LINGO2: variants seen among roughly 807,000 people sequenced by gnomAD.
LINGO2 encodes the protein leucine rich repeat and Ig domain containing 2, also known as leucine-rich repeat and immunoglobulin-like domain-containing nogo receptor-interacting protein 2.
Under a neutral mutation model 30.6 loss-of-function variants are expected in LINGO2, and 14 were observed. The observed-to-expected ratio is 0.46, with a 90% CI of 0.30 to 0.72. The LOEUF (loss-of-function observed/expected upper bound fraction) is 0.72. LINGO2 is among the 30% of genes least tolerant of loss of function. The pLI, the probability that LINGO2 is intolerant of heterozygous loss-of-function variation, is 0.07. For missense variants in LINGO2, 729 were observed against 751.7 expected (o/e 0.97, Z 0.35); for synonymous variants, 317 against 288.5 (o/e 1.10, Z -1.00).
At chr9:28,127,552 A>G (rs1009364047) in intron 4 of LINGO2, among the ~76,000 whole-genome samples, 4 of 152,246 alleles carry the variant, frequency 2.6e-5, no homozygotes, top group African/African-American at 9.6e-5. Flanking sequence ...AATGTCACAA[A>G]TATGGGATTG....
the LINGO2 span, among the ~76,000 whole-genome samples, chr9:28,724,723 G>A: frequency 6.6e-6 from 1 of 152,132 alleles, no homozygotes; most frequent in African/African-American, 2.4e-5. Flanking sequence ...GGAGGGAAAA[G>A]CCCACAAAGA....
intron 5 of LINGO2, among the ~76,000 whole-genome samples, chr9:27,964,468 T>C (rs898437237): frequency 6.6e-6 from 1 of 152,164 alleles, no homozygotes; most frequent in East Asian, 1.9e-4. Context: ...ATAAAGACAA[T>C]GTGAGATTCT....
intron 1 of LINGO2, among the ~76,000 whole-genome samples, chr9:28,580,192 A>C (rs1489097678): frequency 6.6e-6 from 1 of 152,106 alleles, no homozygotes; most frequent in Non-Finnish European, 1.5e-5. Flanking sequence ...GCTAGGTGGA[A>C]TATCATATAC....
At chr9:28,697,159 C>T in the LINGO2 span, among the ~76,000 whole-genome samples, 131 of 152,054 alleles carry the variant, frequency 8.6e-4, no homozygotes, top group Admixed American at 1.1e-3. Flanking sequence ...TCCATGGGAA[C>T]TCACAAGGCA....
At chr9:28,051,295 C>T (rs1355184553) in intron 4 of LINGO2, among the ~76,000 whole-genome samples, 1 of 152,040 alleles carries the variant, frequency 6.6e-6, no homozygotes, top group East Asian at 1.9e-4. Flanking sequence ...GTTCATAAAA[C>T]ATATGACAAA....
chr9:29,209,222 C>G, the LINGO2 span, among the ~76,000 whole-genome samples: 1 of 152,068 alleles, frequency 6.6e-6, no homozygotes. Context: ...AATACCTATC[C>G]ATGCTTTTAC....
chr9:27,991,532 A>T (rs151266964), intron 5 of LINGO2, among the ~76,000 whole-genome samples: 1 of 152,198 alleles, frequency 6.6e-6, no homozygotes, highest in African/African-American at 2.4e-5. Context: ...CTAGGCGTCA[A>T]GGCATCCTTA....
intron 2 of LINGO2, among the ~76,000 whole-genome samples, chr9:28,433,413 G>A (rs968439344): frequency 6.6e-6 from 1 of 152,064 alleles, no homozygotes; most frequent in Admixed American, 6.6e-5. Context: ...AGCCAGAAAA[G>A]CAGATAAGTA....
intron 5 of LINGO2, among the ~76,000 whole-genome samples, chr9:27,958,448 G>C (rs1053077350): frequency 4.6e-5 from 7 of 152,132 alleles, no homozygotes; most frequent in Non-Finnish European, 1.0e-4. Flanking sequence ...TCAGAGTACA[G>C]TAGCCCCTCC....
the LINGO2 span, among the ~76,000 whole-genome samples, chr9:29,003,909 T>C: frequency 2.0e-5 from 3 of 152,158 alleles, no homozygotes; most frequent in Middle Eastern, 3.4e-3. Flanking sequence ...GAGTTACCCC[T>C]GGAACAATCT....
At chr9:28,649,009 A>T (rs1210954942) in intron 1 of LINGO2, among the ~76,000 whole-genome samples, 1 of 152,142 alleles carries the variant, frequency 6.6e-6, no homozygotes, top group Non-Finnish European at 1.5e-5. Context: ...ATACTCTGAG[A>T]GTTGAAGTAG....
In LINGO2 at chr9:27,989,719, C is replaced by T. The variant is rs10968254; in HGVS notation, c.-36+22636G>A. Among the ~76,000 whole-genome samples the T allele has an allele frequency of 8.6e-3, 1,313 of 152,048 alleles. 102 individuals carry two copies. The East Asian group carries it at 0.17, about 20-fold the overall frequency. On this transcript the variant is annotated intron_variant, in intron 5 of 5. Transcript: ENST00000379992. The stretch of plus-strand genomic sequence containing the variant: ...TTAAACACCGTGCTACACACTTTAA[C>T]GCATTGACCCATTTAGTTCTCACCC...
chr9:29,195,378 T>A, the LINGO2 span, among the ~76,000 whole-genome samples: 1 of 151,910 alleles, frequency 6.6e-6, no homozygotes, highest in Non-Finnish European at 1.5e-5. Flanking sequence ...TGTGTGTGGG[T>A]GTGTGTTATG....
the LINGO2 span, among the ~76,000 whole-genome samples, chr9:28,755,651 C>T: frequency 2.0e-5 from 3 of 152,080 alleles, no homozygotes; most frequent in African/African-American, 7.3e-5. Context: ...GTCATCATGG[C>T]TTCCGAGTGA....
the LINGO2 span, among the ~76,000 whole-genome samples, chr9:28,797,359 T>G: frequency 0.5 from 17,466 of 34,760 alleles, 4,681 homozygotes; most frequent in African/African-American, 0.52. Context: ...TATATATATA[T>G]AGAGAGAGAG....
chr9:28,074,998 A>G, intron 4 of LINGO2, among the ~76,000 whole-genome samples: 1 of 151,304 alleles, frequency 6.6e-6, no homozygotes, highest in East Asian at 1.9e-4. Context: ...AAAATATATG[A>G]AAAATGCTAA....
At chr9:28,045,115 C>CA (rs1824358936) in intron 4 of LINGO2, among the ~76,000 whole-genome samples, 1 of 152,066 alleles carries the variant, frequency 6.6e-6, no homozygotes, top group African/African-American at 2.4e-5. Flanking sequence ...TTTTCCCCCC[C>CA]ATCCTTATGA....
chr9:28,737,649 T>TA, the LINGO2 span, among the ~76,000 whole-genome samples: 148,116 of 152,204 alleles, frequency 0.97, 72,164 homozygotes, highest in Non-Finnish European at 1. Context: ...TCTCTGGACT[T>TA]ATGTCAGCTT....
intron 1 of LINGO2, among the ~76,000 whole-genome samples, chr9:28,517,654 A>G (rs1746159171): frequency 6.6e-6 from 1 of 152,236 alleles, no homozygotes; most frequent in South Asian, 2.1e-4. Context: ...GAGGAGGTAC[A>G]AATTAATCAC....
Sources: gnomAD v4.1 joint callset for allele counts (sites outside exome capture counted in the v4.1 genomes callset) on GRCh38, gnomAD v4.1.1 for gene constraint, MANE v1.5 for transcripts, NCBI Gene and HGNC (gene_info 2026-07-23, HGNC 2026-07-21) for gene names.